Variants in DNAH6 observed in about 807,000 individuals in gnomAD.
The protein encoded by DNAH6 is dynein axonemal heavy chain 6, also known as axonemal beta dynein heavy chain 6.
DNAH6 carries 340 observed loss-of-function variants against 491.4 expected under a neutral mutation model. The ratio of observed to expected loss-of-function variants is 0.69; its 90% CI spans 0.63 to 0.76. DNAH6 has a LOEUF of 0.76. Ranked by LOEUF, DNAH6 falls within the 30% of genes least tolerant of loss-of-function variation. The probability of loss-of-function intolerance (pLI) is 0.00; values close to 1 mark genes in which losing one functional copy is unlikely to be tolerated. For synonymous variants in DNAH6, 1,603 were observed against 1,686.1 expected, an observed-to-expected ratio of 0.95 and a Z score of 1.21; for missense variants, 4,443 against 4,972.2, an observed-to-expected ratio of 0.89 and a Z score of 3.20.
Position 84,579,402 on chromosome 2 carries a change from C to A in DNAH6, c.2077-125C>A, listed in dbSNP as rs1324204395. 5.0e-6 allele frequency: 5 copies of A among 1,008,144 alleles called. No individual in the cohort carries two copies. In the East Asian group the frequency reaches 7.9e-5, roughly 16 times the overall value. 62.4% of individuals were successfully genotyped at this position (1,008,144 alleles called of 1,614,324 possible). On this transcript the variant is annotated intron_variant, in intron 13 of 76. Transcript: ENST00000389394. ...GCAGTGATTTAAAGAGAAAAAAAGT[C>A]TCTTCGTATTCACTGCTGCTTCCAA...
chr2:84,744,945 G>A, intron 62 of DNAH6, 135 bp from the exon 63 acceptor site: 1 of 491,524 alleles, frequency 2.0e-6, no homozygotes, highest in Non-Finnish European at 3.5e-6. Context: ...TAGCAGGGGA[G>A]ACTGATGTAT....
intron 15 of DNAH6, 139 bp from the exon 16 acceptor site, chr2:84,588,687 A>G: frequency 1.2e-6 from 1 of 850,320 alleles, no homozygotes; most frequent in Non-Finnish European, 1.7e-6. Flanking sequence ...CAGGAAAACA[A>G]TAATTTTAAA....
At position 84,577,413 on chromosome 2, in the gene DNAH6, C is replaced by A; in HGVS notation, c.2076+5C>A. 1 of 1,555,814 alleles carries A rather than the reference C, an allele frequency of 6.4e-7. No homozygotes were observed. Among genetic ancestry groups the A allele is most frequent in the South Asian group, 1.2e-5 (1 of 81,436 alleles). On this transcript the variant is annotated splice_donor_5th_base_variant and intron_variant, in intron 13 of 76. Coordinates refer to ENST00000389394, the MANE Select transcript of DNAH6 (RefSeq NM_001370.2). ...TCACCTTTGCGATGCTTAGAGGTAA[C>A]TATAAACTAGAAAAAAAAATAATTA...
At chr2:84,628,683 T>C (rs1688106962) in intron 29 of DNAH6, among the ~76,000 whole-genome samples, 1 of 152,154 alleles carries the variant, frequency 6.6e-6, no homozygotes, top group African/African-American at 2.4e-5. Context: ...ACTGCACAGA[T>C]GGGAGTGAGA....
intron 15 of DNAH6, among the ~76,000 whole-genome samples, chr2:84,588,373 A>G (rs548109610): frequency 2.2e-4 from 33 of 152,304 alleles, no homozygotes; most frequent in Non-Finnish European, 4.3e-4. Flanking sequence ...CAACCCTAAC[A>G]GGTCAGCCAT....
intron 64 of DNAH6, among the ~76,000 whole-genome samples, chr2:84,778,524 G>A (rs542864182): frequency 3.3e-5 from 5 of 150,396 alleles, no homozygotes; most frequent in South Asian, 4.2e-4. Flanking sequence ...TTTTGAGACA[G>A]GGTCTCACTC....
intron 63 of DNAH6, among the ~76,000 whole-genome samples, chr2:84,747,328 G>T (rs1258432246): frequency 6.6e-6 from 1 of 152,174 alleles, no homozygotes; most frequent in Non-Finnish European, 1.5e-5. Flanking sequence ...ATGATGGTTT[G>T]GGCATTGGGT....
chr2:84,654,796 G>C lies in DNAH6; in HGVS notation c.5757+14G>C. 6.5e-7 allele frequency: 1 copy of C among 1,550,090 alleles called. No individual in the cohort carries two copies. The highest frequency in any genetic ancestry group is 8.7e-7 in the Non-Finnish European group (1 of 1,145,666). The stretch of plus-strand genomic sequence containing the variant: ...ATTTCTAAAAAAGTAAGTGCCATCA[G>C]ATATTCCCCAATATCTCCATCTGTC... On this transcript the variant is annotated intron_variant, in intron 35 of 76. Transcript: ENST00000389394.
chr2:84,473,468 C>T, the DNAH6 span, among the ~76,000 whole-genome samples: 1 of 152,218 alleles, frequency 6.6e-6, no homozygotes, highest in Non-Finnish European at 1.5e-5. Flanking sequence ...AAACTAAAAA[C>T]TGTAATGGTT....
chr2:84,695,119 C>T (rs1405256006), intron 46 of DNAH6, among the ~76,000 whole-genome samples: 1 of 151,952 alleles, frequency 6.6e-6, no homozygotes, highest in Non-Finnish European at 1.5e-5. Flanking sequence ...CTATGACATG[C>T]AATGAGTTTA....
Position 84,798,616 on chromosome 2 carries a change from G to T in DNAH6, c.11481+958G>T, listed in dbSNP as rs576408011. Among the ~76,000 whole-genome samples the T allele has an allele frequency of 1.4e-4, 21 of 152,288 alleles. No individual in the cohort carries two copies. In the South Asian group the frequency reaches 4.4e-3, roughly 32 times the overall value. ...TGAGCATGCTCATGCCTCAAGACAG[G>T]CCCCACCACCACTGCTACAGGCCCA... On this transcript the variant is annotated intron_variant, in intron 70 of 76. Transcript: ENST00000389394.
the DNAH6 span, among the ~76,000 whole-genome samples, chr2:84,475,712 C>T: frequency 5.9e-3 from 893 of 152,298 alleles, 6 homozygotes; most frequent in African/African-American, 0.019. Flanking sequence ...TCTGCATTAG[C>T]ATCGTCATAT....
chr2:84,566,953 T>C (rs1681262060), intron 11 of DNAH6, among the ~76,000 whole-genome samples: 1 of 152,034 alleles, frequency 6.6e-6, no homozygotes, highest in Admixed American at 6.6e-5. Flanking sequence ...AGATCTATGG[T>C]TCACATTCTA....
chr2:84,707,102 G>A (rs907142789), intron 53 of DNAH6, 83 bp downstream of exon 53: 93 of 1,406,930 alleles, frequency 6.6e-5, no homozygotes, highest in Non-Finnish European at 8.6e-5. Context: ...TCAGGTTTCA[G>A]CTTTTATCCA....
At chr2:84,807,356 G>A (rs987375856) in intron 71 of DNAH6, among the ~76,000 whole-genome samples, 2 of 152,194 alleles carry the variant, frequency 1.3e-5, no homozygotes, top group Non-Finnish European at 2.9e-5. Flanking sequence ...GCAAGAAAAA[G>A]GCTGTTCCTT....
At position 84,598,931 on chromosome 2, in the gene DNAH6, G is replaced by A. The variant is rs1029495001; in HGVS notation, c.2868+3142G>A. Among the ~76,000 whole-genome samples, 91 of 151,702 alleles carry A rather than the reference G, an allele frequency of 6.0e-4. 1 individual carries two copies. Among genetic ancestry groups the A allele is most frequent in the Admixed American group, 2.0e-4 (3 of 15,240 alleles). ...TGTAGTCCTGGCTACCTGGGAGGCT[G>A]AGGCAGGAGAATCGCTTGAACCTGG... On this transcript the variant is annotated intron_variant, in intron 18 of 76. Coordinates refer to ENST00000389394, the MANE Select transcript of DNAH6 (RefSeq NM_001370.2).
At chr2:84,506,240 C>CT in the DNAH6 span, among the ~76,000 whole-genome samples, 1 of 152,154 alleles carries the variant, frequency 6.6e-6, no homozygotes, top group Non-Finnish European at 1.5e-5. Flanking sequence ...TGTTTCCTGA[C>CT]TTTTTAAAGA....
intron 33 of DNAH6, among the ~76,000 whole-genome samples, chr2:84,643,677 A>C (rs1193615448): frequency 1.3e-5 from 2 of 152,082 alleles, no homozygotes; most frequent in Admixed American, 6.5e-5. Context: ...GGCATTCTTC[A>C]TCTCTGTTAT....
intron 59 of DNAH6, 135 bp from the exon 60 acceptor site, chr2:84,722,490 C>A: frequency 2.9e-6 from 2 of 695,828 alleles, no homozygotes; most frequent in South Asian, 2.2e-5. Flanking sequence ...AGTCGTTCCA[C>A]CTGGGGACCC....
Sources: gnomAD v4.1 joint callset for allele counts (sites outside exome capture counted in the v4.1 genomes callset) on GRCh38, gnomAD v4.1.1 for gene constraint, MANE v1.5 for transcripts, NCBI Gene and HGNC (gene_info 2026-07-23, HGNC 2026-07-21) for gene names.